Variants in DNAH3 observed in about 807,000 individuals in gnomAD.
DNAH3 encodes the protein axonemal beta dynein heavy chain 3.
DNAH3 carries 332 observed loss-of-function variants against 432.5 expected under a neutral mutation model. The ratio of observed to expected loss-of-function variants is 0.77; its 90% CI spans 0.70 to 0.84. DNAH3 has a LOEUF of 0.84. Among genes scored for constraint, DNAH3 ranks in the 40% least tolerant of loss-of-function variants. DNAH3 has a pLI of 0.00. For missense variants in DNAH3, 4,861 were observed against 5,114.0 expected (o/e 0.95, Z 1.51); for synonymous variants, 1,956 against 1,900.2 (o/e 1.03, Z -0.76).
intron 56 of DNAH3, 102 bp downstream of exon 56, chr16:20,952,327 TGAGG>T: frequency 3.8e-5 from 27 of 710,108 alleles, no homozygotes; most frequent in African/African-American, 5.2e-5. Flanking sequence ...ATGTTTATGG[TGAGG>T]GAGGGAGGGA....
At position 20,954,997 on chromosome 16, in the gene DNAH3, G is replaced by C. The variant is rs760574855; in HGVS notation, c.10887C>G (p.Ile3629Met). The change falls in exon 55 of 62, where the codon ATC becomes ATG. Residue 3629 changes from isoleucine (I) to methionine (M), a missense_variant. By Grantham distance (10) the Ile-to-Met change is conservative. Coordinates refer to ENST00000261383, the Ensembl canonical transcript of DNAH3. ...CTTTGGGGGGCTCATTGGTCATTTT[G>C]ATTCCATTCTGGAGAATGCTGACTG... is the stretch of plus-strand genomic sequence containing the variant. 4 of 1,614,104 alleles carry C rather than the reference G, an allele frequency of 2.5e-6. No individual in the cohort carries two copies. In the South Asian group the frequency reaches 3.3e-5, roughly 13 times the overall value.
At chr16:20,987,187 G>T in intron 47 of DNAH3, 118 bp downstream of exon 47, 1 of 1,263,290 alleles carries the variant, frequency 7.9e-7, no homozygotes. Context: ...ACTGTTTCCC[G>T]AGATTCAGAG....
In DNAH3 at chr16:21,050,164, G is replaced by A. The variant is rs1351480243; in HGVS notation, c.4239-146C>T. The stretch of plus-strand genomic sequence containing the variant: ...GCCATTGAAAGTAATGCTAAAAGCC[G>A]CGATGACTTTTGCACCAACCAAATA... On this transcript the variant is annotated intron_variant, in intron 29 of 61. Transcript: ENST00000261383. 36 of 628,428 alleles carry A rather than the reference G, an allele frequency of 5.7e-5. No homozygotes were observed. In the East Asian group the frequency reaches 7.5e-4, roughly 13 times the overall value. The allele number at this position is 628,428 out of a possible 1,614,324, so 38.9% of individuals were successfully genotyped here. A position where few individuals can be genotyped will look rare whatever the true frequency, so the allele number is the denominator to read the frequency against.
chr16:20,933,168 G>A lies in DNAH3; in HGVS notation c.12337C>T (p.Gln4113Ter). ...GACAAATGCCATCAGTTATCCAGCT[G>A]GCACAGTGAGGCCACCCCTCGGTTT... is the stretch of plus-strand genomic sequence containing the variant. The change falls in exon 62 of 62, where the codon CAG becomes TAG. Residue 4113 changes from glutamine to a stop codon, truncating the protein, a stop_gained. Coordinates refer to ENST00000261383, the Ensembl canonical transcript of DNAH3. LOFTEE classifies it high-confidence loss of function. The A allele has an allele frequency of 1.2e-6, 2 of 1,612,930 alleles. No individual in the cohort carries two copies. The highest frequency in any genetic ancestry group is 1.3e-5 in the African/African-American group (1 of 75,034).
intron 9 of DNAH3, among the ~76,000 whole-genome samples, chr16:21,123,477 C>A (rs1024789942): frequency 6.6e-6 from 1 of 152,160 alleles, no homozygotes; most frequent in Admixed American, 6.5e-5. Flanking sequence ...TTGGCTTCCA[C>A]CCCTGGGTTT....
chr16:21,105,956 C>T (rs535908068), intron 15 of DNAH3, among the ~76,000 whole-genome samples: 36 of 150,888 alleles, frequency 2.4e-4, no homozygotes, highest in Middle Eastern at 3.5e-3. Context: ...CTGAGGCGGG[C>T]GGATCATGAG....
At chr16:21,111,605 G>A in intron 14 of DNAH3, 21 bp downstream of exon 14, 3 of 1,599,658 alleles carry the variant, frequency 1.9e-6, no homozygotes, top group Non-Finnish European at 2.6e-6. Flanking sequence ...ATTGCTATTT[G>A]TCTGCACAGA....
intron 5 of DNAH3, among the ~76,000 whole-genome samples, chr16:21,138,911 G>A (rs762081978): frequency 6.6e-6 from 1 of 152,036 alleles, no homozygotes; most frequent in African/African-American, 2.4e-5. Flanking sequence ...TGCTTAAACA[G>A]TCTATACTCC....
chr16:21,076,961 C>T (rs1220346950), intron 20 of DNAH3, among the ~76,000 whole-genome samples: 2 of 152,106 alleles, frequency 1.3e-5, no homozygotes, highest in African/African-American at 4.8e-5. Context: ...CTGGTCTCTA[C>T]CCACTAGACA....
intron 3 of DNAH3, among the ~76,000 whole-genome samples, chr16:21,142,476 T>C (rs1256285072): frequency 6.6e-6 from 1 of 152,150 alleles, no homozygotes; most frequent in Non-Finnish European, 1.5e-5. Flanking sequence ...AAAAAATAAG[T>C]ACATATTTAT....
At chr16:21,119,146 C>A (rs984741047) in intron 11 of DNAH3, among the ~76,000 whole-genome samples, 1 of 152,082 alleles carries the variant, frequency 6.6e-6, no homozygotes, top group Non-Finnish European at 1.5e-5. Context: ...CTGGTCAATG[C>A]GTGAATGAAA....
At chr16:21,125,702 T>A (rs2092434011) in intron 8 of DNAH3, among the ~76,000 whole-genome samples, 1 of 152,178 alleles carries the variant, frequency 6.6e-6, no homozygotes, top group African/African-American at 2.4e-5. Flanking sequence ...GAATGTTCTG[T>A]CCAACTTCTC....
At chr16:21,068,947 C>T (rs886869339) in intron 23 of DNAH3, among the ~76,000 whole-genome samples, 10 of 150,760 alleles carry the variant, frequency 6.6e-5, no homozygotes, top group East Asian at 5.8e-4. Flanking sequence ...TTTTTTGAGA[C>T]GGAGTCTTGC....
chr16:21,155,326 TAAAAG>T (rs2092890864), intron 1 of DNAH3, among the ~76,000 whole-genome samples: 1 of 151,970 alleles, frequency 6.6e-6, no homozygotes, highest in African/African-American at 2.4e-5. Flanking sequence ...ATTTTTCAGG[TAAAAG>T]AATGTTTTAG....
intron 3 of DNAH3, among the ~76,000 whole-genome samples, chr16:21,143,354 A>T (rs1348776532): frequency 6.6e-6 from 1 of 152,190 alleles, no homozygotes; most frequent in African/African-American, 2.4e-5. Flanking sequence ...TTATAAAAAA[A>T]ACAGCAAAAA....
exon 53 of DNAH3, chr16:20,965,054 C>T: frequency 6.2e-7 from 1 of 1,614,130 alleles, no homozygotes; most frequent in Non-Finnish European, 8.5e-7. Context: ...TTCATCTCTT[C>T]AAAGTCGTCA....
At chr16:20,984,093 A>G (rs1799304642) in intron 48 of DNAH3, among the ~76,000 whole-genome samples, 1 of 151,536 alleles carries the variant, frequency 6.6e-6, no homozygotes. Context: ...GAGGATACAG[A>G]GGACAGTCTG....
chr16:20,940,572 C>T (rs895981602), intron 59 of DNAH3, among the ~76,000 whole-genome samples: 5 of 148,918 alleles, frequency 3.4e-5, no homozygotes. Context: ...GGACTGTAGA[C>T]GTGCACCACC....
At chr16:21,142,664 T>TC (rs1266644313) in intron 3 of DNAH3, among the ~76,000 whole-genome samples, 1 of 151,512 alleles carries the variant, frequency 6.6e-6, no homozygotes, top group African/African-American at 2.4e-5. Flanking sequence ...CTTTTTTTTT[T>TC]TTTTTTTGAG....
Sources: gnomAD v4.1 joint callset for allele counts (sites outside exome capture counted in the v4.1 genomes callset) on GRCh38, gnomAD v4.1.1 for gene constraint, MANE v1.5 for transcripts, NCBI Gene and HGNC (gene_info 2026-07-23, HGNC 2026-07-21) for gene names.